Variants in DPYSL3 observed in about 807,000 individuals in gnomAD.
DPYSL3 encodes the protein dihydropyrimidinase like 3.
In DPYSL3, 16 loss-of-function variants were observed where a neutral mutation model predicts 66.1. The observed-to-expected ratio is 0.24, with a 90% CI of 0.16 to 0.37. The LOEUF (loss-of-function observed/expected upper bound fraction) is 0.37, where lower values mean the gene tolerates loss of function less well. Ranked by LOEUF, DPYSL3 falls within the 10% of genes least tolerant of loss-of-function variation. DPYSL3 has a pLI of 1.00. For missense variants in DPYSL3, 738 were observed against 916.2 expected, an observed-to-expected ratio of 0.81 and a Z score of 2.51; for synonymous variants, 338 against 345.1, an observed-to-expected ratio of 0.98 and a Z score of 0.23.
intron 2 of DPYSL3, among the ~76,000 whole-genome samples, chr5:147,423,336 T>C (rs76426809): frequency 6.6e-5 from 10 of 152,094 alleles, no homozygotes; most frequent in African/African-American, 1.5e-4. Context: ...CATTCATTCA[T>C]TCACTCACTC....
intron 1 of DPYSL3, among the ~76,000 whole-genome samples, chr5:147,463,003 A>G (rs1215363538): frequency 1.3e-5 from 2 of 152,146 alleles, no homozygotes; most frequent in Non-Finnish European, 2.9e-5. Context: ...CAGGTTCAAC[A>G]TGTTATAAGA....
rs1007434012 is a variant in DPYSL3, at chr5:147,418,578, T to C, written c.524A>G (p.Asn175Ser). ...GCCTCCAGGGATCACCATCTTCCCA[T>C]TGGCTTCAATGGTCTTCACTCCTCC... ...VPGGVKTIEANGKMVIPGGID... is the reference protein window; with the variant it reads ...VPGGVKTIEASGKMVIPGGID... The change falls in exon 3 of 14, where the codon AAT (asparagine) becomes AGT (serine). Residue 175 changes from asparagine to serine, a missense_variant. Transcript: ENST00000343218. 2.0e-5 allele frequency: 33 copies of C among 1,612,200 alleles called. No individual in the cohort carries two copies. Among genetic ancestry groups the C allele is most frequent in the Non-Finnish European group, 2.7e-5 (32 of 1,178,930 alleles).
intron 1 of DPYSL3, among the ~76,000 whole-genome samples, chr5:147,459,384 A>G (rs1475223277): frequency 6.6e-6 from 1 of 152,178 alleles, no homozygotes; most frequent in East Asian, 1.9e-4. Flanking sequence ...GGCTGTTCTT[A>G]TATTACATAA....
At chr5:147,399,832 A>G (rs1050203107) in intron 10 of DPYSL3, among the ~76,000 whole-genome samples, 1 of 152,242 alleles carries the variant, frequency 6.6e-6, no homozygotes, top group Non-Finnish European at 1.5e-5. Context: ...GGATAAATAC[A>G]TACGTACTGC....
intron 4 of DPYSL3, 152 bp from the exon 5 acceptor site, chr5:147,413,809 G>A (rs956518077): frequency 1.6e-5 from 11 of 668,074 alleles, no homozygotes; most frequent in Non-Finnish European, 2.4e-5. Flanking sequence ...TTCTTCAAGA[G>A]CATTTTGCTC....
chr5:147,467,048 A>AG lies in DPYSL3; in HGVS notation c.382-42086dup, dbSNP rs556055242. On this transcript the variant is annotated intron_variant, in intron 1 of 13. Transcript: ENST00000343218. ...AATAAGACCCTAGATTTCTGAGCTC[A>AG]GGGGGTCCAGTGACCTGAGCTCACC... Among the ~76,000 whole-genome samples the AG allele has an allele frequency of 6.6e-5, 10 of 152,260 alleles. No individual in the cohort carries two copies. The East Asian group carries it at 1.9e-3, about 29-fold the overall frequency.
At chr5:147,415,915 C>A in intron 3 of DPYSL3, 42 bp from the exon 4 acceptor site, 2 of 1,598,756 alleles carry the variant, frequency 1.3e-6, no homozygotes, top group Admixed American at 1.7e-5. Flanking sequence ...TCAGACACAG[C>A]CTTTGCTCCC....
intron 1 of DPYSL3, among the ~76,000 whole-genome samples, chr5:147,505,153 C>T (rs920195430): frequency 6.6e-5 from 10 of 151,950 alleles, no homozygotes; most frequent in African/African-American, 2.2e-4. Context: ...TCTAAATACA[C>T]AATTTAAGAA....
intron 1 of DPYSL3, among the ~76,000 whole-genome samples, chr5:147,438,363 T>A (rs1052863795): frequency 6.6e-6 from 1 of 152,182 alleles, no homozygotes; most frequent in African/African-American, 2.4e-5. Flanking sequence ...ACACTTGAAC[T>A]AAATACAAAC....
chr5:147,469,162 G>A (rs1753049954), intron 1 of DPYSL3, among the ~76,000 whole-genome samples: 1 of 152,236 alleles, frequency 6.6e-6, no homozygotes. Flanking sequence ...TTTGCTTGAT[G>A]TCAGTAATTT....
At chr5:147,482,484 G>A (rs1195370377) in intron 1 of DPYSL3, among the ~76,000 whole-genome samples, 2 of 152,170 alleles carry the variant, frequency 1.3e-5, no homozygotes, top group Non-Finnish European at 2.9e-5. Flanking sequence ...ATAATGTGTG[G>A]AGCTCAGTGC....
chr5:147,412,747 G>A, intron 5 of DPYSL3, 59 bp from the exon 6 acceptor site: 1 of 1,479,598 alleles, frequency 6.8e-7, no homozygotes, highest in Non-Finnish European at 9.3e-7. Context: ...CCCACAGAAG[G>A]GCCAATTACC....
intron 8 of DPYSL3, among the ~76,000 whole-genome samples, chr5:147,403,015 T>C (rs965185214): frequency 7.2e-5 from 11 of 152,204 alleles, no homozygotes; most frequent in African/African-American, 2.7e-4. Flanking sequence ...TTGCACTCTA[T>C]GGCCAGGATC....
intron 1 of DPYSL3, among the ~76,000 whole-genome samples, chr5:147,435,089 C>A (rs368004293): frequency 2.0e-5 from 3 of 151,950 alleles, no homozygotes; most frequent in Admixed American, 1.3e-4. Flanking sequence ...AAAACAAAGT[C>A]TATTAATTAA....
At chr5:147,503,156 A>G (rs1753639630) in intron 1 of DPYSL3, among the ~76,000 whole-genome samples, 1 of 152,276 alleles carries the variant, frequency 6.6e-6, no homozygotes, top group Admixed American at 6.5e-5. Flanking sequence ...ACTATTATCT[A>G]TTTAGTCTAG....
chr5:147,400,851 C>T lies in DPYSL3; in HGVS notation c.1311-18G>A, dbSNP rs547641980. 16 of 1,611,664 alleles carry T rather than the reference C, an allele frequency of 9.9e-6. No individual in the cohort carries two copies. Among genetic ancestry groups the T allele is most frequent in the Non-Finnish European group, 1.4e-5 (16 of 1,178,600 alleles). On this transcript the variant is annotated intron_variant, in intron 9 of 13. Coordinates refer to ENST00000343218, the MANE Select transcript of DPYSL3 (RefSeq NM_001197294.2). ...GATCCCCGCTGGCAAAGGAGAAAAG[C>T]TCCACATGAACAGGGGAGATGGCTG...
intron 1 of DPYSL3, among the ~76,000 whole-genome samples, chr5:147,431,115 T>C (rs1561785394): frequency 6.6e-6 from 1 of 152,168 alleles, no homozygotes; most frequent in Non-Finnish European, 1.5e-5. Context: ...CCTAAAACAC[T>C]TTCACTCTTA....
intron 11 of DPYSL3, among the ~76,000 whole-genome samples, chr5:147,398,606 T>G (rs1758068210): frequency 6.6e-6 from 1 of 152,214 alleles, no homozygotes; most frequent in East Asian, 1.9e-4. Context: ...CATGTGAAAC[T>G]CATCGTGAAG....
intron 1 of DPYSL3, among the ~76,000 whole-genome samples, chr5:147,497,909 T>C (rs1052448671): frequency 8.6e-5 from 13 of 151,824 alleles, no homozygotes; most frequent in African/African-American, 2.9e-4. Flanking sequence ...TCTCTCTCTC[T>C]CTCTCTTTCT....
Sources: gnomAD v4.1 joint callset for allele counts (sites outside exome capture counted in the v4.1 genomes callset) on GRCh38, gnomAD v4.1.1 for gene constraint, MANE v1.5 for transcripts, NCBI Gene and HGNC (gene_info 2026-07-23, HGNC 2026-07-21) for gene names.